PDE1C: variants seen among roughly 807,000 people sequenced by gnomAD.
PDE1C encodes dual specificity calcium/calmodulin-dependent 3',5'-cyclic nucleotide phosphodiesterase 1C.
A neutral mutation model predicts 93.1 loss-of-function variants in PDE1C; 62 were observed. The ratio of observed to expected loss-of-function variants is 0.67; its 90% CI spans 0.54 to 0.82. The LOEUF is 0.82. Among genes scored for constraint, PDE1C ranks in the 40% least tolerant of loss-of-function variants. The pLI, the probability that PDE1C is intolerant of heterozygous loss-of-function variation, is 0.00. For synonymous variants in PDE1C, 325 were observed against 310.1 expected (o/e 1.05, Z -0.50); for missense variants, 742 against 884.6 (o/e 0.84, Z 2.04).
chr7:32,382,181 T>C (rs1000478248), intron 1 of PDE1C, among the ~76,000 whole-genome samples: 3 of 152,202 alleles, frequency 2.0e-5, no homozygotes, highest in Admixed American at 6.5e-5. Context: ...TCCACCTTCC[T>C]CCAGGAGCTC....
At chr7:32,229,942 G>GT (rs1163644325) in intron 1 of PDE1C, among the ~76,000 whole-genome samples, 2 of 152,242 alleles carry the variant, frequency 1.3e-5, no homozygotes, top group African/African-American at 4.8e-5. Flanking sequence ...GAGGCAGTGA[G>GT]TGAAGGGTCA....
the PDE1C span, among the ~76,000 whole-genome samples, chr7:31,711,650 C>A: frequency 6.6e-6 from 1 of 152,144 alleles, no homozygotes; most frequent in Non-Finnish European, 1.5e-5. Context: ...TAAATATGTT[C>A]AACTTTCCAG....
At chr7:32,140,863 G>A (rs1300914301) in intron 3 of PDE1C, among the ~76,000 whole-genome samples, 1 of 152,188 alleles carries the variant, frequency 6.6e-6, no homozygotes, top group Non-Finnish European at 1.5e-5. Flanking sequence ...GCCACTATTA[G>A]CCAACTCCAA....
At chr7:32,247,901 G>A (rs1335221257) in intron 1 of PDE1C, among the ~76,000 whole-genome samples, 1 of 152,132 alleles carries the variant, frequency 6.6e-6, no homozygotes, top group Non-Finnish European at 1.5e-5. Flanking sequence ...CATAGTACTA[G>A]TACAATGGGC....
chr7:31,737,259 G>A, the PDE1C span, among the ~76,000 whole-genome samples: 275 of 151,932 alleles, frequency 1.8e-3, 1 homozygote, highest in African/African-American at 6.4e-3. Context: ...CATTACAGGT[G>A]TGAGCCACCA....
At chr7:31,891,361 A>G (rs1798613400) in intron 2 of PDE1C, among the ~76,000 whole-genome samples, 1 of 152,164 alleles carries the variant, frequency 6.6e-6, no homozygotes, top group South Asian at 2.1e-4. Flanking sequence ...CCCACCTAGA[A>G]AATGCAATCC....
At chr7:32,144,394 T>A (rs543384978) in intron 3 of PDE1C, among the ~76,000 whole-genome samples, 1 of 152,220 alleles carries the variant, frequency 6.6e-6, no homozygotes, top group East Asian at 1.9e-4. Context: ...TCCCAGTAAT[T>A]CCTGAAAAAC....
At chr7:32,024,150 C>T (rs1462706257) in intron 2 of PDE1C, among the ~76,000 whole-genome samples, 1 of 151,740 alleles carries the variant, frequency 6.6e-6, no homozygotes, top group Admixed American at 6.6e-5. Context: ...CAATATCTAA[C>T]ATAAAGCTGA....
At chr7:31,638,029 G>T in the PDE1C span, among the ~76,000 whole-genome samples, 1 of 152,074 alleles carries the variant, frequency 6.6e-6, no homozygotes, top group Admixed American at 6.6e-5. Context: ...TTCAGGATGG[G>T]CTGCCCTCTC....
intron 2 of PDE1C, among the ~76,000 whole-genome samples, chr7:32,184,146 C>T (rs1803669201): frequency 1.3e-5 from 2 of 152,158 alleles, no homozygotes; most frequent in Admixed American, 6.5e-5. Flanking sequence ...AGTCAGGAAA[C>T]AACTGGTGCT....
chr7:31,627,739 G>T, the PDE1C span, among the ~76,000 whole-genome samples: 1 of 150,190 alleles, frequency 6.7e-6, no homozygotes, highest in African/African-American at 2.5e-5. Flanking sequence ...GGAAAGCAGT[G>T]TCTCAGTCCT....
chr7:31,921,430 C>T lies in PDE1C; in HGVS notation c.129-40570G>A, dbSNP rs536786496. ...GGTCAGAAGTTGGGACACTGGCTCC[C>T]CAATTTCTCACCTTCCAGGATGCGG... is the stretch of plus-strand genomic sequence containing the variant. On this transcript the variant is annotated intron_variant, in intron 2 of 17. Coordinates refer to ENST00000396191, the MANE Select transcript of PDE1C (RefSeq NM_001191057.4). 2.8e-4 allele frequency among the ~76,000 whole-genome samples: 42 copies of T among 152,246 alleles called. No individual in the cohort carries two copies. In the South Asian group the frequency reaches 8.5e-3, roughly 31 times the overall value.
chr7:31,777,763 C>T (rs1016570801), intron 16 of PDE1C, among the ~76,000 whole-genome samples: 2 of 152,042 alleles, frequency 1.3e-5, no homozygotes, highest in African/African-American at 4.8e-5. Flanking sequence ...AAATAGAAAA[C>T]ATAAAATTAA....
At chr7:32,113,335 C>T (rs181867984) in intron 3 of PDE1C, among the ~76,000 whole-genome samples, 143 of 135,830 alleles carry the variant, frequency 1.1e-3, no homozygotes, top group African/African-American at 3.7e-3. Context: ...ATATATATAT[C>T]TATCTCAATT....
intron 1 of PDE1C, among the ~76,000 whole-genome samples, chr7:32,423,469 G>A (rs1785472309): frequency 6.6e-6 from 1 of 152,216 alleles, no homozygotes; most frequent in Admixed American, 6.5e-5. Flanking sequence ...CCAAGATTGT[G>A]TGTTTCAGCA....
At chr7:32,224,543 C>T (rs1273326495) in intron 1 of PDE1C, among the ~76,000 whole-genome samples, 2 of 152,164 alleles carry the variant, frequency 1.3e-5, no homozygotes, top group African/African-American at 2.4e-5. Flanking sequence ...ACACTTACAA[C>T]GGTCTTGGCA....
chr7:32,297,824 C>A (rs890834003), intron 1 of PDE1C, among the ~76,000 whole-genome samples: 18 of 152,160 alleles, frequency 1.2e-4, no homozygotes, highest in African/African-American at 4.1e-4. Context: ...ATGATCCCCC[C>A]TCCCTGCGGC....
chr7:32,054,947 C>T (rs1793865971), intron 1 of PDE1C, among the ~76,000 whole-genome samples: 1 of 152,192 alleles, frequency 6.6e-6, no homozygotes, highest in Non-Finnish European at 1.5e-5. Flanking sequence ...TGAAACATCA[C>T]TTCCAAAGAC....
chr7:31,844,501 G>T (rs1286406585), intron 9 of PDE1C, among the ~76,000 whole-genome samples: 1 of 151,674 alleles, frequency 6.6e-6, no homozygotes, highest in Non-Finnish European at 1.5e-5. Context: ...GGCCTCTATA[G>T]TTTCTGATGA....
Sources: allele counts gnomAD v4.1 joint callset (sites outside exome capture counted in the v4.1 genomes callset), GRCh38; gene constraint gnomAD v4.1.1; transcripts MANE v1.5; gene names NCBI Gene and HGNC (gene_info 2026-07-23, HGNC 2026-07-21).